The following TMEM132D variants were observed in gnomAD, a reference collection of about 807,000 sequenced individuals.
TMEM132D encodes transmembrane protein 132D.
TMEM132D carries 21 observed loss-of-function variants against 62.3 expected under a neutral mutation model. That is an observed-to-expected ratio of 0.34 (90% CI 0.24 to 0.49). The LOEUF (loss-of-function observed/expected upper bound fraction) is 0.49, where lower values mean the gene tolerates loss of function less well. TMEM132D is among the 20% of genes least tolerant of loss of function. The pLI, the probability that TMEM132D is intolerant of heterozygous loss-of-function variation, is 0.99. For synonymous variants in TMEM132D, 621 were observed against 575.6 expected (o/e 1.08, Z -1.13); for missense variants, 1,346 against 1,402.8 (o/e 0.96, Z 0.65).
chr12:129,379,368 T>C (rs962380139), intron 3 of TMEM132D, among the ~76,000 whole-genome samples: 1 of 152,142 alleles, frequency 6.6e-6, no homozygotes, highest in African/African-American at 2.4e-5. Flanking sequence ...AATGAATGAA[T>C]GAAACTGTGA....
At chr12:129,096,022 C>A (rs951091417) in intron 5 of TMEM132D, among the ~76,000 whole-genome samples, 2 of 152,128 alleles carry the variant, frequency 1.3e-5, no homozygotes, top group Non-Finnish European at 2.9e-5. Flanking sequence ...AGAGCCAGCT[C>A]CTGGTGGGGG....
rs910187153 is a variant in TMEM132D at position 129,575,453 on chromosome 12, G to A, written c.969-44248C>T. Among the ~76,000 whole-genome samples, 6 of 151,800 alleles carry A rather than the reference G, an allele frequency of 4.0e-5. 1 individual carries two copies. Among genetic ancestry groups the A allele is most frequent in the African/African-American group, 1.5e-4 (6 of 41,118 alleles). ...CACTAAATAATGTGAAGATATCCTT[G>A]ACTGCAATGGTCAAACCTGAAGTGA... is the stretch of plus-strand genomic sequence containing the variant. On this transcript the variant is annotated intron_variant, in intron 2 of 8. Coordinates refer to ENST00000422113, the MANE Select transcript of TMEM132D (RefSeq NM_133448.3).
intron 2 of TMEM132D, among the ~76,000 whole-genome samples, chr12:129,644,332 C>A (rs1187765606): frequency 6.6e-6 from 1 of 152,138 alleles, no homozygotes; most frequent in Admixed American, 6.5e-5. Flanking sequence ...CTTAGAGAAT[C>A]TTCGCTTCTT....
intron 2 of TMEM132D, among the ~76,000 whole-genome samples, chr12:129,649,770 A>T (rs186813815): frequency 2.0e-5 from 3 of 151,886 alleles, no homozygotes; most frequent in African/African-American, 7.3e-5. Flanking sequence ...ATGTATGTGT[A>T]TATGTGTGTA....
intron 5 of TMEM132D, among the ~76,000 whole-genome samples, chr12:129,107,389 C>T (rs912271425): frequency 2.6e-5 from 4 of 152,100 alleles, no homozygotes; most frequent in South Asian, 4.2e-4. Context: ...AAGTAAAATG[C>T]ACTTGTAATT....
chr12:129,544,587 C>T (rs1261537068), intron 2 of TMEM132D, among the ~76,000 whole-genome samples: 2 of 152,148 alleles, frequency 1.3e-5, no homozygotes, highest in African/African-American at 2.4e-5. Context: ...ATTTTAATAT[C>T]TGGTAGGGCT....
At chr12:129,278,319 G>A (rs889299425) in intron 4 of TMEM132D, among the ~76,000 whole-genome samples, 1 of 152,086 alleles carries the variant, frequency 6.6e-6, no homozygotes, top group African/African-American at 2.4e-5. Flanking sequence ...CACATGAAAC[G>A]CAGACCACAC....
intron 4 of TMEM132D, among the ~76,000 whole-genome samples, chr12:129,218,144 G>T (rs771862927): frequency 1.3e-5 from 2 of 152,112 alleles, no homozygotes; most frequent in East Asian, 1.9e-4. Flanking sequence ...GCATTGTCCT[G>T]GTTCCTACCT....
intron 5 of TMEM132D, among the ~76,000 whole-genome samples, chr12:129,109,194 C>T (rs1367790488): frequency 3.3e-5 from 5 of 152,132 alleles, no homozygotes; most frequent in East Asian, 1.9e-4. Flanking sequence ...ACCCCAGGCC[C>T]GAATGGCCGT....
intron 3 of TMEM132D, among the ~76,000 whole-genome samples, chr12:129,470,563 C>T (rs187015769): frequency 6.6e-5 from 10 of 152,224 alleles, no homozygotes; most frequent in African/African-American, 2.4e-4. Flanking sequence ...GTGAGGACAT[C>T]GCTGCTTGCA....
intron 4 of TMEM132D, among the ~76,000 whole-genome samples, chr12:129,286,919 A>T: frequency 6.6e-6 from 1 of 152,108 alleles, no homozygotes; most frequent in Non-Finnish European, 1.5e-5. Flanking sequence ...GTGGTGGCGC[A>T]TGCCTGTAAT....
chr12:129,142,629 T>G (rs1876777345), intron 5 of TMEM132D, among the ~76,000 whole-genome samples: 1 of 152,224 alleles, frequency 6.6e-6, no homozygotes, highest in Non-Finnish European at 1.5e-5. Flanking sequence ...ACTTATTTGT[T>G]GCGTGACTAA....
chr12:129,879,409 C>T (rs1874525761), intron 1 of TMEM132D, among the ~76,000 whole-genome samples: 1 of 152,158 alleles, frequency 6.6e-6, no homozygotes, highest in Non-Finnish European at 1.5e-5. Context: ...AACACAACAT[C>T]AAAGTGGGAT....
chr12:129,596,219 C>T (rs1320342974), intron 2 of TMEM132D, among the ~76,000 whole-genome samples: 4 of 152,144 alleles, frequency 2.6e-5, no homozygotes, highest in African/African-American at 9.7e-5. Context: ...AGTAGCTGAT[C>T]TATAGCTCTT....
At chr12:129,196,586 G>A (rs1380211979) in intron 5 of TMEM132D, among the ~76,000 whole-genome samples, 1 of 152,120 alleles carries the variant, frequency 6.6e-6, no homozygotes, top group Non-Finnish European at 1.5e-5. Context: ...TGTCTGCCCT[G>A]GGTATGGTCC....
At chr12:129,733,873 A>G (rs73436116) in intron 1 of TMEM132D, among the ~76,000 whole-genome samples, 2,677 of 152,296 alleles carry the variant, frequency 0.018, 91 homozygotes, top group African/African-American at 0.062. Context: ...GATGTGCCGC[A>G]TGAGGCATGC....
chr12:129,108,166 G>A (rs1027065950), intron 5 of TMEM132D, among the ~76,000 whole-genome samples: 3 of 152,164 alleles, frequency 2.0e-5, no homozygotes, highest in African/African-American at 7.2e-5. Flanking sequence ...TGTCCCTACT[G>A]AGATCTGTGG....
chr12:129,607,437 G>A (rs61943548), intron 2 of TMEM132D, among the ~76,000 whole-genome samples: 7,296 of 152,270 alleles, frequency 0.048, 277 homozygotes, highest in South Asian at 0.1. Context: ...CTGACCACCT[G>A]CAAGGCTGAC....
At chr12:129,215,158 A>G (rs1879166465) in intron 4 of TMEM132D, among the ~76,000 whole-genome samples, 1 of 152,238 alleles carries the variant, frequency 6.6e-6, no homozygotes, top group South Asian at 2.1e-4. Context: ...TGTCCTTTGC[A>G]GGGACATGGT....
Sources: allele counts gnomAD v4.1 joint callset (sites outside exome capture counted in the v4.1 genomes callset), GRCh38; gene constraint gnomAD v4.1.1; transcripts MANE v1.5; gene names NCBI Gene and HGNC (gene_info 2026-07-23, HGNC 2026-07-21).